Variants in LRRK2 observed in about 807,000 individuals in gnomAD.
The protein encoded by LRRK2 is leucine-rich repeat serine/threonine-protein kinase 2.
Under a neutral mutation model 302.6 loss-of-function variants are expected in LRRK2, and 203 were observed. The observed-to-expected ratio is 0.67, with a 90% confidence interval of 0.60 to 0.75. The LOEUF is 0.75. LRRK2 is among the 30% of genes least tolerant of loss of function. LRRK2 has a pLI of 0.00. For synonymous variants in LRRK2, 1,066 were observed against 1,031.9 expected (o/e 1.03, Z -0.63); for missense variants, 2,830 against 2,951.0 (o/e 0.96, Z 0.95).
chr12:40,245,788 A>AT lies in LRRK2; in HGVS notation c.838+2113dup, dbSNP rs1174111448. On this transcript the variant is annotated intron_variant, in intron 7 of 50. Transcript: ENST00000298910. The stretch of plus-strand genomic sequence containing the variant: ...GTGTTTTCATAAAGAAATGCAAATG[A>AT]TTTTTTGTATATTGAACTAACCTAC... Among the ~76,000 whole-genome samples the AT allele has an allele frequency of 2.6e-5, 4 of 152,188 alleles. No individual in the cohort carries two copies. The South Asian group carries it at 8.3e-4, about 32-fold the overall frequency.
chr12:40,345,918 CT>C (rs1393466236), intron 41 of LRRK2, among the ~76,000 whole-genome samples: 1 of 152,146 alleles, frequency 6.6e-6, no homozygotes, highest in Non-Finnish European at 1.5e-5. Flanking sequence ...AACTTTCTGT[CT>C]ATCCACGATT....
At chr12:40,304,181 C>A (rs1944726643) in intron 27 of LRRK2, 47 bp downstream of exon 27, 6 of 1,562,784 alleles carry the variant, frequency 3.8e-6, no homozygotes, top group Non-Finnish European at 5.3e-6. Context: ...TGATTTGCAT[C>A]ATTACAAATT....
chr12:40,320,296 T>C (rs1945360586), intron 34 of LRRK2, 121 bp downstream of exon 34: 2 of 775,450 alleles, frequency 2.6e-6, no homozygotes, highest in South Asian at 3.9e-5. Flanking sequence ...TTGCTTCTAG[T>C]GTAAACCTCC....
chr12:40,332,878 T>G (rs1945752861), intron 39 of LRRK2, among the ~76,000 whole-genome samples: 1 of 150,612 alleles, frequency 6.6e-6, no homozygotes, highest in Non-Finnish European at 1.5e-5. Flanking sequence ...CAGAGCCAAT[T>G]AGTGTATAAG....
At chr12:40,312,589 C>A (rs892071954) in intron 31 of LRRK2, 8 of 152,098 alleles carry the variant, frequency 5.3e-5, no homozygotes, top group Admixed American at 2.6e-4. Context: ...TGTGCAGACA[C>A]TTTTAAGTTT....
intron 16 of LRRK2, among the ~76,000 whole-genome samples, chr12:40,275,233 G>A (rs1365845252): frequency 2.6e-5 from 4 of 152,140 alleles, no homozygotes; most frequent in African/African-American, 9.7e-5. Context: ...GCCCATAAAA[G>A]TTCAGAGAAT....
chr12:40,367,256 T>C lies in LRRK2; in HGVS notation c.7462+179T>C, dbSNP rs1350219903. On this transcript the variant is annotated intron_variant, in intron 50 of 50. Coordinates refer to ENST00000298910, the MANE Select transcript of LRRK2 (RefSeq NM_198578.4). ...TTTCAAAATTACAAGTGATATGAAG[T>C]GTTAAATATTTATATTTTCAGCTGA... 4 of 566,176 alleles carry C rather than the reference T, an allele frequency of 7.1e-6. No individual in the cohort carries two copies. The East Asian group carries it at 9.3e-5, about 13-fold the overall frequency. 35.1% of individuals were successfully genotyped at this position (566,176 alleles called of 1,614,324 possible). A position where few individuals can be genotyped will look rare whatever the true frequency, so the allele number is the denominator to read the frequency against.
chr12:40,249,707 T>G, intron 7 of LRRK2, 119 bp from the exon 8 acceptor site: 2 of 1,171,190 alleles, frequency 1.7e-6, no homozygotes. Flanking sequence ...AAAGTAAATG[T>G]TTTAATGCCA....
At chr12:40,361,524 C>T (rs1057131828) in intron 47 of LRRK2, among the ~76,000 whole-genome samples, 2 of 151,812 alleles carry the variant, frequency 1.3e-5, no homozygotes, top group Non-Finnish European at 2.9e-5. Flanking sequence ...ACTTTTAACC[C>T]AATTATACAA....
chr12:40,266,958 AG>A (rs1273859004), intron 14 of LRRK2, among the ~76,000 whole-genome samples: 2 of 121,462 alleles, frequency 1.6e-5, no homozygotes, highest in Non-Finnish European at 3.2e-5. Flanking sequence ...GGACACAGGA[AG>A]GGGAACATCA....
At chr12:40,246,098 A>C (rs1941968462) in intron 7 of LRRK2, among the ~76,000 whole-genome samples, 1 of 151,888 alleles carries the variant, frequency 6.6e-6, no homozygotes, top group South Asian at 2.1e-4. Flanking sequence ...AAGGGTTTAA[A>C]CTTTTAAAAA....
chr12:40,234,075 G>A (rs905984313), intron 3 of LRRK2, among the ~76,000 whole-genome samples: 1 of 152,160 alleles, frequency 6.6e-6, no homozygotes, highest in Admixed American at 6.5e-5. Context: ...TGGTAATAAA[G>A]TCAGGAATTG....
chr12:40,256,848 G>T (rs763913228), intron 11 of LRRK2, among the ~76,000 whole-genome samples: 8 of 152,180 alleles, frequency 5.3e-5, no homozygotes, highest in Non-Finnish European at 1.2e-4. Flanking sequence ...CTTTATATAA[G>T]TGCAGTTATT....
chr12:40,255,731 A>G (rs1479740009), intron 11 of LRRK2, among the ~76,000 whole-genome samples: 1 of 152,164 alleles, frequency 6.6e-6, no homozygotes, highest in African/African-American at 2.4e-5. Context: ...AGAACCACTA[A>G]CCCAGTGTCA....
intron 10 of LRRK2, 43 bp from the exon 11 acceptor site, chr12:40,252,867 A>G (rs1302601756): frequency 7.9e-7 from 1 of 1,271,550 alleles, no homozygotes; most frequent in Non-Finnish European, 1.2e-6. Flanking sequence ...TGAGATAGTT[A>G]TTTAAAAGAT....
chr12:40,278,099 C>T lies in LRRK2; in HGVS notation c.2079C>T (p.Asn693=), dbSNP rs781489460. ...ATTTCCACTCTTTTTAGTTTCTAAA[C>T]CTCTGTTGCAAGTGTTTTGCAAAAG... ...IMEQKDQQFL[N]LCCKCFAKVA... The change falls in exon 18 of 51, where the codon AAC becomes AAT. Residue 693 remains asparagine, a synonymous_variant. Coordinates refer to ENST00000298910, the MANE Select transcript of LRRK2 (RefSeq NM_198578.4). 8.7e-6 allele frequency: 14 copies of T among 1,614,016 alleles called. No homozygotes were observed. The South Asian group carries it at 1.5e-4, about 18-fold the overall frequency.
intron 25 of LRRK2, among the ~76,000 whole-genome samples, chr12:40,301,670 T>C (rs925424217): frequency 1.5e-4 from 23 of 152,298 alleles, no homozygotes; most frequent in Non-Finnish European, 2.6e-4. Flanking sequence ...GAATAACCCA[T>C]ATTTTTAACC....
At position 40,229,955 on chromosome 12, in the gene LRRK2, C is replaced by CTTTTTTTTTTTTTTTTTTTTTTTTTTTT. The variant is rs71078229; in HGVS notation, c.238-2318_238-2291dup. ...GAGATGAGTTTGGCATCCTATGTGA[C>CTTTTTTTTTTTTTTTTTTTTTTTTTTTT]TTTTTTTTTTTTTTTTTTTTTTTTT... On this transcript the variant is annotated intron_variant, in intron 2 of 50. Transcript: ENST00000298910. Among the ~76,000 whole-genome samples, 3 of 92,926 alleles carry CTTTTTTTTTTTTTTTTTTTTTTTTTTTT rather than the reference C, an allele frequency of 3.2e-5. 1 individual carries two copies. Among genetic ancestry groups the CTTTTTTTTTTTTTTTTTTTTTTTTTTTT allele is most frequent in the Non-Finnish European group, 4.2e-5 (2 of 47,742 alleles). 61.0% of individuals were successfully genotyped at this position (92,926 alleles called of 152,430 possible). A position where few individuals can be genotyped will look rare whatever the true frequency, so the allele number is the denominator to read the frequency against.
At chr12:40,315,111 C>G in intron 32 of LRRK2, 101 bp from the exon 33 acceptor site, 1 of 952,216 alleles carries the variant, frequency 1.1e-6, no homozygotes. Context: ...GCTGAAATTT[C>G]TTCACCTGCA....
Sources: gnomAD v4.1 joint callset for allele counts (sites outside exome capture counted in the v4.1 genomes callset) on GRCh38, gnomAD v4.1.1 for gene constraint, MANE v1.5 for transcripts, NCBI Gene and HGNC (gene_info 2026-07-23, HGNC 2026-07-21) for gene names.